The following NEK1 variants were observed in gnomAD, a reference collection of about 807,000 sequenced individuals.
NEK1 encodes the protein serine/threonine-protein kinase Nek1.
NEK1 carries 137 observed loss-of-function variants against 182.1 expected under a neutral mutation model. That is an observed-to-expected ratio of 0.75 (90% CI 0.65 to 0.87). NEK1 has a LOEUF of 0.87. Ranked by LOEUF, NEK1 falls within the 40% of genes least tolerant of loss-of-function variation. The probability of loss-of-function intolerance (pLI) is 0.00; values close to 1 mark genes in which losing one functional copy is unlikely to be tolerated. For missense variants in NEK1, 1,391 were observed against 1,494.4 expected (o/e 0.93, Z 1.14); for synonymous variants, 513 against 492.2 (o/e 1.04, Z -0.56).
intron 4 of NEK1, among the ~76,000 whole-genome samples, chr4:169,601,478 T>C (rs543644009): frequency 4.6e-4 from 70 of 152,144 alleles, no homozygotes; most frequent in Non-Finnish European, 8.8e-4. Context: ...TATAATACTT[T>C]AAGAACCTGA....
At chr4:169,554,588 C>T (rs1054057564) in intron 18 of NEK1, 3 of 151,958 alleles carry the variant, frequency 2.0e-5, no homozygotes, top group African/African-American at 7.3e-5. Context: ...TATATGATTC[C>T]AAGTATATGA....
intron 2 of NEK1, among the ~76,000 whole-genome samples, chr4:169,609,620 T>G (rs1355228492): frequency 6.7e-6 from 1 of 149,990 alleles, no homozygotes. Flanking sequence ...TATGTATATA[T>G]ATACACACAT....
chr4:169,505,555 A>T (rs1190937376), intron 23 of NEK1, among the ~76,000 whole-genome samples: 1 of 152,268 alleles, frequency 6.6e-6, no homozygotes, highest in Non-Finnish European at 1.5e-5. Flanking sequence ...AGTAGTAAAG[A>T]CTACGGGGAG....
At chr4:169,537,583 G>A (rs1420475964) in intron 19 of NEK1, among the ~76,000 whole-genome samples, 2 of 152,116 alleles carry the variant, frequency 1.3e-5, no homozygotes, top group African/African-American at 4.8e-5. Flanking sequence ...ATTAACCAAA[G>A]CAACAATAGA....
chr4:169,427,080 T>C (rs1050830917), intron 29 of NEK1, among the ~76,000 whole-genome samples: 1 of 152,212 alleles, frequency 6.6e-6, no homozygotes, highest in African/African-American at 2.4e-5. Context: ...TAAGTTTTTA[T>C]TTTCTAAATA....
At chr4:169,478,499 A>C (rs1328743816) in intron 24 of NEK1, 2 of 152,124 alleles carry the variant, frequency 1.3e-5, no homozygotes, top group Non-Finnish European at 2.9e-5. Context: ...TATCAGAAAG[A>C]AAAAGTGACT....
At chr4:169,484,676 G>A (rs991378274) in intron 23 of NEK1, among the ~76,000 whole-genome samples, 4 of 152,142 alleles carry the variant, frequency 2.6e-5, no homozygotes, top group African/African-American at 4.8e-5. Flanking sequence ...AACAGCCTTC[G>A]CAGAGCAGCC....
rs1290730752 is a variant in NEK1, at chr4:169,393,384, T to C, written c.*1126A>G. ...AATAATATACATAATAAATTCAACA[T>C]ACTGATAGTGCTGCAAGATAAGATT... On this transcript the variant is annotated 3_prime_UTR_variant, in exon 36 of 36. Transcript: ENST00000507142. The C allele has an allele frequency of 6.6e-6, 1 of 152,206 alleles. No homozygotes were observed. The highest frequency in any genetic ancestry group is 1.5e-5 in the Non-Finnish European group (1 of 68,038). 9.4% of individuals were successfully genotyped at this position (152,206 alleles called of 1,614,324 possible).
chr4:169,459,768 C>G (rs1743606144), intron 27 of NEK1, among the ~76,000 whole-genome samples: 2 of 152,046 alleles, frequency 1.3e-5, no homozygotes, highest in Non-Finnish European at 1.5e-5. Flanking sequence ...CTAAGTGAAA[C>G]CATCCAATCT....
intron 27 of NEK1, among the ~76,000 whole-genome samples, chr4:169,443,051 T>TTATCTGTC (rs1554033540): frequency 1.4e-5 from 2 of 141,686 alleles, no homozygotes; most frequent in Non-Finnish European, 3.1e-5. Context: ...TAAAAATATT[T>TTATCTGTC]TATCTATCTA....
chr4:169,534,582 CAT>C (rs1758163012), intron 19 of NEK1, among the ~76,000 whole-genome samples: 2 of 152,152 alleles, frequency 1.3e-5, no homozygotes, highest in South Asian at 2.1e-4. Context: ...GCAAATGTCT[CAT>C]GTTTCCAAGA....
At chr4:169,582,597 T>C (rs1163634365) in intron 10 of NEK1, among the ~76,000 whole-genome samples, 1 of 152,194 alleles carries the variant, frequency 6.6e-6, no homozygotes, top group Non-Finnish European at 1.5e-5. Flanking sequence ...ATGATCTCCA[T>C]CTTGTCCCCA....
chr4:169,537,713 T>C, intron 19 of NEK1, 96 bp downstream of exon 19: 1 of 919,162 alleles, frequency 1.1e-6, no homozygotes, highest in Non-Finnish European at 1.8e-6. Context: ...CCTAGATTGT[T>C]AGACTGTCAT....
At chr4:169,419,542 T>C (rs1056315668) in intron 31 of NEK1, among the ~76,000 whole-genome samples, 3 of 152,178 alleles carry the variant, frequency 2.0e-5, no homozygotes, top group African/African-American at 4.8e-5. Context: ...ATAATAAAAA[T>C]GTATTGTGGA....
At chr4:169,447,415 G>A (rs1740780744) in intron 27 of NEK1, among the ~76,000 whole-genome samples, 1 of 152,146 alleles carries the variant, frequency 6.6e-6, no homozygotes, top group South Asian at 2.1e-4. Flanking sequence ...GCTAAAAGGA[G>A]TTCTTTAATA....
At chr4:169,583,992 A>T (rs1020485289) in intron 10 of NEK1, among the ~76,000 whole-genome samples, 2 of 152,224 alleles carry the variant, frequency 1.3e-5, no homozygotes, top group Admixed American at 6.5e-5. Flanking sequence ...AAACTAATAT[A>T]AAAAAACTAT....
intron 12 of NEK1, among the ~76,000 whole-genome samples, chr4:169,570,544 G>A (rs1416890249): frequency 1.2e-4 from 18 of 149,642 alleles, no homozygotes; most frequent in Admixed American, 6.6e-4. Flanking sequence ...TACCCGTCCG[G>A]GAGGGAGGTG....
chr4:169,462,861 G>A (rs1048248672), intron 27 of NEK1, among the ~76,000 whole-genome samples: 1 of 152,042 alleles, frequency 6.6e-6, no homozygotes, highest in African/African-American at 2.4e-5. Context: ...CCCAGTCCTA[G>A]AATTAATAAT....
chr4:169,607,656 G>T (rs1428561210), intron 2 of NEK1, among the ~76,000 whole-genome samples: 1 of 151,910 alleles, frequency 6.6e-6, no homozygotes, highest in Non-Finnish European at 1.5e-5. Flanking sequence ...GTAGAGATGG[G>T]GTTTCACCGT....
Sources: allele counts gnomAD v4.1 joint callset (sites outside exome capture counted in the v4.1 genomes callset), GRCh38; gene constraint gnomAD v4.1.1; transcripts MANE v1.5; gene names NCBI Gene and HGNC (gene_info 2026-07-23, HGNC 2026-07-21).